Variants in CASQ2 observed in about 807,000 individuals in gnomAD.
CASQ2 encodes the protein calsequestrin 2.
A neutral mutation model predicts 46.5 loss-of-function variants in CASQ2; 49 were observed. That is an observed-to-expected ratio of 1.05 (90% CI 0.84 to 1.34). The LOEUF is 1.34. CASQ2 is among the 40% of genes most tolerant of loss of function. CASQ2 has a pLI of 0.00. For missense variants in CASQ2, 486 were observed against 481.3 expected (o/e 1.01, Z -0.09); for synonymous variants, 174 against 168.5 (o/e 1.03, Z -0.25).
chr1:115,767,239 C>A (rs1649165872), intron 1 of CASQ2, among the ~76,000 whole-genome samples: 1 of 152,148 alleles, frequency 6.6e-6, no homozygotes. Flanking sequence ...ACTATCCCTG[C>A]TTTCTCTTTT....
chr1:115,725,498 T>G lies in CASQ2; in HGVS notation c.783+10A>C. 1.2e-6 allele frequency: 2 copies of G among 1,607,052 alleles called. 1 individual carries two copies. The highest frequency in any genetic ancestry group is 2.2e-5 in the South Asian group (2 of 90,918). On this transcript the variant is annotated intron_variant, in intron 7 of 10. Coordinates refer to ENST00000261448, the MANE Select transcript of CASQ2 (RefSeq NM_001232.4). ...CTCTACAAGGCAAAGAGAGTTTGCC[T>G]CTTTCTTACCCATGTTTCAAACATT... is the stretch of plus-strand genomic sequence containing the variant.
chr1:115,708,667 G>A (rs1380369177), intron 8 of CASQ2, among the ~76,000 whole-genome samples: 1 of 152,218 alleles, frequency 6.6e-6, no homozygotes, highest in Non-Finnish European at 1.5e-5. Context: ...ATATAGTAAG[G>A]TTTAGCCATT....
intron 1 of CASQ2, among the ~76,000 whole-genome samples, chr1:115,761,110 A>C (rs1023023986): frequency 6.6e-6 from 1 of 151,886 alleles, no homozygotes; most frequent in African/African-American, 2.4e-5. Context: ...GATAGTGGGT[A>C]AATAGAAGAG....
intron 2 of CASQ2, among the ~76,000 whole-genome samples, chr1:115,743,298 C>T (rs184888711): frequency 3.5e-4 from 53 of 152,092 alleles, no homozygotes; most frequent in Non-Finnish European, 5.9e-4. Flanking sequence ...TGCAGTGGCA[C>T]AATCATGCAG....
intron 10 of CASQ2, among the ~76,000 whole-genome samples, chr1:115,702,017 G>C (rs563078260): frequency 6.6e-6 from 1 of 151,970 alleles, no homozygotes; most frequent in South Asian, 2.1e-4. Context: ...CCGCCTCCTG[G>C]GTTCAAGCGA....
intron 1 of CASQ2, among the ~76,000 whole-genome samples, chr1:115,766,370 T>C (rs1649133642): frequency 6.6e-6 from 1 of 152,248 alleles, no homozygotes; most frequent in Non-Finnish European, 1.5e-5. Context: ...TAAAATGGAA[T>C]TGGTAACTGT....
At chr1:115,711,317 C>A (rs1173740037) in intron 8 of CASQ2, among the ~76,000 whole-genome samples, 1 of 152,144 alleles carries the variant, frequency 6.6e-6, no homozygotes, top group Admixed American at 6.5e-5. Flanking sequence ...GGGGCTGGAA[C>A]CACACAGCTT....
intron 3 of CASQ2, among the ~76,000 whole-genome samples, chr1:115,740,094 A>G (rs1473084203): frequency 2.0e-5 from 3 of 152,244 alleles, no homozygotes; most frequent in Non-Finnish European, 4.4e-5. Flanking sequence ...ATAAAGAATC[A>G]TCGGCATGGA....
intron 1 of CASQ2, among the ~76,000 whole-genome samples, chr1:115,761,765 A>C (rs537012467): frequency 6.6e-6 from 1 of 152,110 alleles, no homozygotes; most frequent in Admixed American, 6.5e-5. Context: ...TACATTACCC[A>C]GGATTATGAT....
At position 115,726,974 on chromosome 1, in the gene CASQ2, A is replaced by G; in HGVS notation, c.737+18T>C. Reference sequence around the variant, plus strand: ...CCCAGACCCCAGGCCCCCAGCCCCCACATGCCATCTCAGGCACCTTTGGTG... The same window carrying G: ...CCCAGACCCCAGGCCCCCAGCCCCCGCATGCCATCTCAGGCACCTTTGGTG... On this transcript the variant is annotated intron_variant, in intron 6 of 10. Coordinates refer to ENST00000261448, the MANE Select transcript of CASQ2 (RefSeq NM_001232.4). 5 of 890,782 alleles carry G rather than the reference A, an allele frequency of 5.6e-6. No homozygotes were observed. Among genetic ancestry groups the G allele is most frequent in the Non-Finnish European group, 8.6e-6 (5 of 578,780 alleles). 55.2% of individuals were successfully genotyped at this position (890,782 alleles called of 1,614,324 possible).
intron 8 of CASQ2, among the ~76,000 whole-genome samples, chr1:115,707,580 G>C (rs891241704): frequency 6.6e-6 from 1 of 152,168 alleles, no homozygotes; most frequent in Non-Finnish European, 1.5e-5. Context: ...ACTGACTGAC[G>C]TGTGGACACT....
chr1:115,758,106 A>C (rs975371515), intron 1 of CASQ2, among the ~76,000 whole-genome samples: 1 of 152,212 alleles, frequency 6.6e-6, no homozygotes, highest in Non-Finnish European at 1.5e-5. Flanking sequence ...GCTTACAAAC[A>C]TGAAGCAATC....
At chr1:115,712,306 T>C (rs1397146983) in intron 8 of CASQ2, among the ~76,000 whole-genome samples, 2 of 152,154 alleles carry the variant, frequency 1.3e-5, no homozygotes, top group Non-Finnish European at 2.9e-5. Context: ...CTACCACTCC[T>C]TACCACACCC....
chr1:115,701,257 T>C lies in CASQ2; in HGVS notation c.1184A>G (p.Asp395Gly), dbSNP rs1261690750. 1.9e-6 allele frequency: 3 copies of C among 1,606,198 alleles called. No individual in the cohort carries two copies. The highest frequency in any genetic ancestry group is 2.6e-6 in the Non-Finnish European group (3 of 1,173,234). Residue 395 changes from aspartate to glycine, a missense_variant, in exon 11 of 11, where the codon GAC becomes GGC. Asp to Gly is a moderately conservative substitution (Grantham distance 94). Coordinates refer to ENST00000261448, the MANE Select transcript of CASQ2 (RefSeq NM_001232.4). The stretch of plus-strand genomic sequence containing the variant: ...GGAGTTGGGCTATTCATCATCATCG[T>C]CATCACTGTCATCATTATCCTCTTC... ...SDEEDNDDSD[D>G]DDDE
In CASQ2 at chr1:115,768,288, C is replaced by T; in HGVS notation, c.234+20G>A. The T allele has an allele frequency of 2.6e-6, 4 of 1,511,368 alleles. No homozygotes were observed. Among genetic ancestry groups the T allele is most frequent in the Non-Finnish European group, 3.7e-6 (4 of 1,086,588 alleles). 93.6% of individuals were successfully genotyped at this position (1,511,368 alleles called of 1,614,324 possible). A position where few individuals can be genotyped will look rare whatever the true frequency, so the allele number is the denominator to read the frequency against. ...CACCTCACTGAGGCAGCGCAGACAGCATGCCCTTTGGTTACTTACCTCAAG... is the reference window on the plus strand; with the variant it reads ...CACCTCACTGAGGCAGCGCAGACAGTATGCCCTTTGGTTACTTACCTCAAG... On this transcript the variant is annotated intron_variant, in intron 1 of 10. Coordinates refer to ENST00000261448, the MANE Select transcript of CASQ2 (RefSeq NM_001232.4).
At chr1:115,744,570 C>T (rs1648316967) in intron 2 of CASQ2, among the ~76,000 whole-genome samples, 1 of 152,178 alleles carries the variant, frequency 6.6e-6, no homozygotes, top group African/African-American at 2.4e-5. Context: ...GACTCTTTAG[C>T]ATCAATTTCT....
chr1:115,713,133 A>G (rs561173297), intron 8 of CASQ2, among the ~76,000 whole-genome samples: 25 of 152,224 alleles, frequency 1.6e-4, no homozygotes, highest in Non-Finnish European at 3.2e-4. Context: ...CTTTGAGGAT[A>G]TCCATCTAGC....
In CASQ2 at chr1:115,726,825, C is replaced by T. The variant is rs555975359; in HGVS notation, c.737+167G>A. Among the ~76,000 whole-genome samples the T allele has an allele frequency of 3.3e-5, 5 of 152,302 alleles. No individual in the cohort carries two copies. The East Asian group carries it at 5.8e-4, about 18-fold the overall frequency. ...GCAGACTTAGATTCAGAAGTAATAA[C>T]ATCCCTGCTAGTCATTACTGATCAA... On this transcript the variant is annotated intron_variant, in intron 6 of 10. Coordinates refer to ENST00000261448, the MANE Select transcript of CASQ2 (RefSeq NM_001232.4).
At position 115,751,387 on chromosome 1, in the gene CASQ2, G is replaced by A. The variant is rs1570848207; in HGVS notation, c.235-6475C>T. 2.0e-5 allele frequency among the ~76,000 whole-genome samples: 3 copies of A among 151,374 alleles called. No homozygotes were observed. In the East Asian group the frequency reaches 5.8e-4, roughly 29 times the overall value. On this transcript the variant is annotated intron_variant, in intron 1 of 10. Transcript: ENST00000261448. The stretch of plus-strand genomic sequence containing the variant: ...AATTCATTAAAAAAAAATAGCTCTA[G>A]GGCCGGGCGCGGTGGCTCACGCCTG...
Sources: allele counts gnomAD v4.1 joint callset (sites outside exome capture counted in the v4.1 genomes callset), GRCh38; gene constraint gnomAD v4.1.1; transcripts MANE v1.5; gene names NCBI Gene and HGNC (gene_info 2026-07-23, HGNC 2026-07-21).